HKDC1: variants seen among roughly 807,000 people sequenced by gnomAD.
HKDC1 encodes hexokinase HKDC1.
Under a neutral mutation model 96.6 loss-of-function variants are expected in HKDC1, and 66 were observed. The observed-to-expected ratio is 0.68, with a 90% CI of 0.56 to 0.84. The LOEUF is 0.84. Ranked by LOEUF, HKDC1 falls within the 40% of genes least tolerant of loss-of-function variation. The pLI, the probability that HKDC1 is intolerant of heterozygous loss-of-function variation, is 0.00. For synonymous variants in HKDC1, 466 were observed against 473.1 expected (o/e 0.98, Z 0.20); for missense variants, 1,211 against 1,208.1 (o/e 1.00, Z -0.04).
chr10:69,252,973 C>CGTGTGTGTGTGTGTGT (rs57083436), intron 12 of HKDC1, among the ~76,000 whole-genome samples: 4 of 140,180 alleles, frequency 2.9e-5, no homozygotes, highest in South Asian at 2.4e-4. Flanking sequence ...CATCTCTAAA[C>CGTGTGTGTGTGTGTGT]GTGTGTGTGT....
intron 6 of HKDC1, 117 bp from the exon 7 acceptor site, chr10:69,243,065 A>C: frequency 3.0e-6 from 3 of 1,009,960 alleles, no homozygotes; most frequent in Non-Finnish European, 3.0e-6. Context: ...GCCAGCCCCC[A>C]GGGAATGAAA....
In HKDC1 at chr10:69,258,828, G is replaced by A. The variant is rs1031960339; in HGVS notation, c.2085G>A (p.Val695=). ...AGGACATGAGGAACATCGAGATGGTGGAGGGGGGTGAAGGGAAGATGTGCA... is the reference window on the plus strand; with the variant it reads ...AGGACATGAGGAACATCGAGATGGTAGAGGGGGGTGAAGGGAAGATGTGCA... The part of the protein sequence containing the change: ...YMEDMRNIEM[V]EGGEGKMCIN... The change falls in exon 15 of 18, where the codon GTG becomes GTA. Residue 695 remains valine (V), a synonymous_variant. Coordinates refer to ENST00000354624, the MANE Select transcript of HKDC1 (RefSeq NM_025130.4). 3 of 1,613,992 alleles carry A rather than the reference G, an allele frequency of 1.9e-6. No homozygotes were observed. In the African/African-American group the frequency reaches 4.0e-5, roughly 22 times the overall value.
rs764798395 is a variant in HKDC1 at position 69,257,363 on chromosome 10, A to G, written c.1969A>G (p.Thr657Ala). 1 of 1,614,076 alleles carries G rather than the reference A, an allele frequency of 6.2e-7. No homozygotes were observed. The highest frequency in any genetic ancestry group is 8.5e-7 in the Non-Finnish European group (1 of 1,179,938). ...DLDIVAVVND[T>A]VGTMMTCGYE... Reference sequence around the variant, plus strand: ...GGACATTGTTGCAGTCGTGAATGATACAGTGGGGACCATGATGACCTGTGG... The same window carrying G: ...GGACATTGTTGCAGTCGTGAATGATGCAGTGGGGACCATGATGACCTGTGG... Residue 657 changes from threonine to alanine, a missense_variant, in exon 14 of 18, where the codon ACA becomes GCA. Thr to Ala is a moderately conservative substitution (Grantham distance 58). Transcript: ENST00000354624.
intron 2 of HKDC1, chr10:69,232,482 C>T (rs144643300): frequency 2.7e-4 from 117 of 430,942 alleles, no homozygotes; most frequent in African/African-American, 2.1e-3. Flanking sequence ...AAGGGCTGTG[C>T]TCACATTTGC....
At chr10:69,235,833 T>C (rs2132343866) in intron 4 of HKDC1, among the ~76,000 whole-genome samples, 1 of 152,330 alleles carries the variant, frequency 6.6e-6, no homozygotes, top group East Asian at 1.9e-4. Flanking sequence ...ATAATAATGA[T>C]AAAAGCACGT....
At position 69,266,151 on chromosome 10, in the gene HKDC1, G is replaced by A. The variant is rs79207894; in HGVS notation, c.2606+333G>A. Among the ~76,000 whole-genome samples, 592 of 152,288 alleles carry A rather than the reference G, an allele frequency of 3.9e-3. 2 individuals are homozygous for A. Among genetic ancestry groups the A allele is most frequent in the African/African-American group, 0.014 (563 of 41,556 alleles). On this transcript the variant is annotated intron_variant, in intron 17 of 17. Transcript: ENST00000354624. Reference sequence around the variant, plus strand: ...TTAGCACATGTAAAGTGCTTCACACGGGGCTCAAGAAATGTAAGTTGGCTG... The same window carrying A: ...TTAGCACATGTAAAGTGCTTCACACAGGGCTCAAGAAATGTAAGTTGGCTG...
At chr10:69,258,656 C>A in intron 14 of HKDC1, 120 bp from the exon 15 acceptor site, 1 of 987,652 alleles carries the variant, frequency 1.0e-6, no homozygotes, top group Non-Finnish European at 1.6e-6. Flanking sequence ...GACTGTAAAG[C>A]TGGAATCGCA....
intron 12 of HKDC1, among the ~76,000 whole-genome samples, chr10:69,254,691 C>T (rs1047299544): frequency 3.0e-4 from 45 of 151,982 alleles, no homozygotes; most frequent in African/African-American, 1.1e-3. Flanking sequence ...ATATTTTGCT[C>T]AGTGAAGGAA....
intron 8 of HKDC1, among the ~76,000 whole-genome samples, chr10:69,247,080 C>T (rs1843552562): frequency 6.6e-6 from 1 of 152,222 alleles, no homozygotes; most frequent in Admixed American, 6.5e-5. Context: ...GCACTCACAT[C>T]TCTCATCTGT....
intron 1 of HKDC1, among the ~76,000 whole-genome samples, chr10:69,224,437 C>A (rs1843116531): frequency 6.6e-6 from 1 of 152,076 alleles, no homozygotes; most frequent in Non-Finnish European, 1.5e-5. Flanking sequence ...GCGCCCGCCA[C>A]CACGCCTGGC....
intron 7 of HKDC1, among the ~76,000 whole-genome samples, chr10:69,244,259 A>C (rs1485708206): frequency 2.0e-5 from 3 of 152,180 alleles, no homozygotes; most frequent in Non-Finnish European, 4.4e-5. Flanking sequence ...CTGGCACCGT[A>C]AGACGTTCCC....
In HKDC1 at chr10:69,257,328, A is replaced by T. The variant is rs1260757747; in HGVS notation, c.1934A>T (p.Glu645Val). Residue 645 changes from glutamate (E) to valine (V), a missense_variant and splice_region_variant, in exon 14 of 18, where the codon GAG becomes GTG. Glu to Val is a moderately radical substitution (Grantham distance 121). Transcript: ENST00000354624. ...MLREAIKRRNEFDLDIVAVVN... is the reference protein window; with the variant it reads ...MLREAIKRRNVFDLDIVAVVN... Reference sequence around the variant, plus strand: ...TTTTGTTTTTGTTTTTGTTTTTAGGAGTTTGACCTGGACATTGTTGCAGTC... The same window carrying T: ...TTTTGTTTTTGTTTTTGTTTTTAGGTGTTTGACCTGGACATTGTTGCAGTC... The T allele has an allele frequency of 6.2e-7, 1 of 1,612,350 alleles. No individual in the cohort carries two copies. The highest frequency in any genetic ancestry group is 8.5e-7 in the Non-Finnish European group (1 of 1,178,638).
intron 14 of HKDC1, among the ~76,000 whole-genome samples, 153 bp downstream of exon 14, chr10:69,257,579 T>TC (rs1214643814): frequency 1.3e-5 from 2 of 152,172 alleles, no homozygotes; most frequent in East Asian, 3.9e-4. Flanking sequence ...GTCACCAAGT[T>TC]CTTTCTGCAT....
intron 1 of HKDC1, among the ~76,000 whole-genome samples, chr10:69,223,418 C>T (rs1482774461): frequency 6.6e-6 from 1 of 152,086 alleles, no homozygotes; most frequent in Non-Finnish European, 1.5e-5. Flanking sequence ...TACAGTGTAA[C>T]CACTTACATA....
chr10:69,225,726 G>C (rs1365531510), intron 1 of HKDC1: 2 of 152,224 alleles, frequency 1.3e-5, no homozygotes, highest in Non-Finnish European at 2.9e-5. Context: ...CGACAGAGCT[G>C]TGAGCCAAAG....
chr10:69,241,551 T>C (rs1338469768), intron 6 of HKDC1, among the ~76,000 whole-genome samples: 3 of 152,176 alleles, frequency 2.0e-5, no homozygotes, highest in Non-Finnish European at 4.4e-5. Context: ...TGGCACAGTC[T>C]TGGCTTACTG....
chr10:69,220,591 G>T (rs1037071481), intron 1 of HKDC1, 93 bp downstream of exon 1: 4 of 855,224 alleles, frequency 4.7e-6, no homozygotes, highest in Admixed American at 3.1e-5. Flanking sequence ...GGAGTGAAGA[G>T]AGCTTATTAG....
chr10:69,254,165 T>G (rs1262035902), intron 12 of HKDC1, among the ~76,000 whole-genome samples: 2 of 151,954 alleles, frequency 1.3e-5, no homozygotes, highest in Non-Finnish European at 2.9e-5. Context: ...ATTAGCTGGG[T>G]ATGGTGGCGG....
chr10:69,222,345 A>G (rs1444456953), intron 1 of HKDC1, among the ~76,000 whole-genome samples: 5 of 151,308 alleles, frequency 3.3e-5, no homozygotes, highest in African/African-American at 1.2e-4. Context: ...TAGCAAATTT[A>G]AAAACATTAT....
Sources: allele counts gnomAD v4.1 joint callset (sites outside exome capture counted in the v4.1 genomes callset), GRCh38; gene constraint gnomAD v4.1.1; transcripts MANE v1.5; gene names NCBI Gene and HGNC (gene_info 2026-07-23, HGNC 2026-07-21).